SUGCT: variants seen among roughly 807,000 people sequenced by gnomAD.
SUGCT encodes the protein succinyl-CoA:glutarate-CoA transferase.
Under a neutral mutation model 55.0 loss-of-function variants are expected in SUGCT, and 41 were observed. The observed-to-expected ratio is 0.74, with a 90% CI of 0.58 to 0.97. The LOEUF is 0.97. Ranked by LOEUF, SUGCT falls within the 50% of genes least tolerant of loss-of-function variation. The pLI is 0.00. For synonymous variants in SUGCT, 187 were observed against 200.4 expected, an observed-to-expected ratio of 0.93 and a Z score of 0.56; for missense variants, 568 against 547.8, an observed-to-expected ratio of 1.04 and a Z score of -0.37.
At chr7:40,952,539 T>C in the SUGCT span, among the ~76,000 whole-genome samples, 1 of 152,226 alleles carries the variant, frequency 6.6e-6, no homozygotes, top group East Asian at 1.9e-4. Flanking sequence ...ATTCAGTTTC[T>C]TCCTAGCATC....
intron 13 of SUGCT, chr7:40,785,160 G>A (rs1255409313): frequency 6.6e-6 from 1 of 152,116 alleles, no homozygotes; most frequent in Non-Finnish European, 1.5e-5. Context: ...ACACAAAATT[G>A]ATATCAACCA....
chr7:40,808,488 C>T (rs1164744968), intron 13 of SUGCT: 1 of 152,334 alleles, frequency 6.6e-6, no homozygotes, highest in African/African-American at 2.4e-5. Context: ...TCCCTGGGGA[C>T]ATTGCCTCCA....
the SUGCT span, among the ~76,000 whole-genome samples, chr7:40,880,258 G>T: frequency 6.6e-6 from 1 of 152,218 alleles, no homozygotes; most frequent in African/African-American, 2.4e-5. Context: ...CCAGAGGAAA[G>T]ATTTTTGGGT....
chr7:40,145,259 A>G (rs1788184334), intron 1 of SUGCT, among the ~76,000 whole-genome samples: 1 of 152,186 alleles, frequency 6.6e-6, no homozygotes, highest in Non-Finnish European at 1.5e-5. Flanking sequence ...CTTTCCTTAC[A>G]CACCTTGCAC....
chr7:40,327,825 A>G (rs184428022), intron 9 of SUGCT, among the ~76,000 whole-genome samples: 1 of 152,360 alleles, frequency 6.6e-6, no homozygotes, highest in Non-Finnish European at 1.5e-5. Context: ...TAATTATCAG[A>G]TGTAACATTT....
chr7:40,161,121 C>G (rs1784124534), intron 1 of SUGCT, among the ~76,000 whole-genome samples: 1 of 152,108 alleles, frequency 6.6e-6, no homozygotes, highest in Non-Finnish European at 1.5e-5. Flanking sequence ...TAATTTTTAC[C>G]TTTACTACCT....
chr7:40,240,327 T>C (rs1789297035), intron 7 of SUGCT, among the ~76,000 whole-genome samples: 1 of 151,962 alleles, frequency 6.6e-6, no homozygotes, highest in Non-Finnish European at 1.5e-5. Flanking sequence ...GTACTAAAAA[T>C]ACAAAATTAG....
At chr7:40,298,164 A>G (rs1794288796) in intron 8 of SUGCT, among the ~76,000 whole-genome samples, 1 of 151,938 alleles carries the variant, frequency 6.6e-6, no homozygotes. Flanking sequence ...AGAATTCCAA[A>G]TACTTGTTAT....
At chr7:40,846,958 T>G (rs1793586116) in intron 13 of SUGCT, among the ~76,000 whole-genome samples, 1 of 152,202 alleles carries the variant, frequency 6.6e-6, no homozygotes, top group East Asian at 1.9e-4. Context: ...ATAGAAAGCA[T>G]TATGCCAAGT....
At chr7:40,324,188 T>A (rs1220861571) in intron 9 of SUGCT, among the ~76,000 whole-genome samples, 1 of 150,128 alleles carries the variant, frequency 6.7e-6, no homozygotes, top group African/African-American at 2.5e-5. Context: ...TTATGTCCTC[T>A]ATCACCTGTA....
At chr7:40,639,437 G>A (rs1232608200) in intron 12 of SUGCT, among the ~76,000 whole-genome samples, 1 of 151,948 alleles carries the variant, frequency 6.6e-6, no homozygotes, top group Non-Finnish European at 1.5e-5. Flanking sequence ...TATCTAACTT[G>A]AGACGGTCAC....
intron 12 of SUGCT, among the ~76,000 whole-genome samples, chr7:40,629,601 C>A (rs1799690811): frequency 6.6e-6 from 1 of 151,964 alleles, no homozygotes. Context: ...TACTCGAGGT[C>A]ATGTCATCTG....
chr7:40,160,970 G>A (rs930002229), intron 1 of SUGCT, among the ~76,000 whole-genome samples: 8 of 151,784 alleles, frequency 5.3e-5, no homozygotes, highest in South Asian at 2.1e-4. Flanking sequence ...TTTGGTGGAC[G>A]GTTTGATAAT....
chr7:40,986,687 C>T, the SUGCT span, among the ~76,000 whole-genome samples: 6 of 152,172 alleles, frequency 3.9e-5, no homozygotes, highest in South Asian at 2.1e-4. Context: ...AAGGAGTAAT[C>T]GCTGAGATGG....
chr7:40,943,827 T>C, the SUGCT span, among the ~76,000 whole-genome samples: 3 of 151,978 alleles, frequency 2.0e-5, no homozygotes, highest in African/African-American at 7.2e-5. Flanking sequence ...ATGGTATTTC[T>C]AGTTCTAGAT....
intron 12 of SUGCT, among the ~76,000 whole-genome samples, chr7:40,697,527 A>G (rs1784986810): frequency 6.6e-6 from 1 of 152,112 alleles, no homozygotes; most frequent in Non-Finnish European, 1.5e-5. Flanking sequence ...AATTCCAGCT[A>G]CTCAGGAGGC....
At position 40,402,954 on chromosome 7, in the gene SUGCT, G is replaced by A. The variant is rs139275693; in HGVS notation, c.817-46333G>A. On this transcript the variant is annotated intron_variant, in intron 9 of 13. Transcript: ENST00000335693. Reference sequence around the variant, plus strand: ...CAAGAGACTTTTTACTGGAAACCTCGTGTTGCACTTCACTTAATTTCCAAT... The same window carrying A: ...CAAGAGACTTTTTACTGGAAACCTCATGTTGCACTTCACTTAATTTCCAAT... Among the ~76,000 whole-genome samples, 752 of 152,266 alleles carry A rather than the reference G, an allele frequency of 4.9e-3. 4 individuals carry two copies. Among genetic ancestry groups the A allele is most frequent in the Non-Finnish European group, 7.8e-3 (532 of 68,022 alleles).
intron 1 of SUGCT, among the ~76,000 whole-genome samples, chr7:40,178,087 T>G (rs990181897): frequency 6.6e-6 from 1 of 152,234 alleles, no homozygotes; most frequent in African/African-American, 2.4e-5. Context: ...AATCAGGCTC[T>G]AAGTGAGGCT....
At chr7:40,488,513 C>G (rs923842353) in intron 11 of SUGCT, among the ~76,000 whole-genome samples, 1 of 152,084 alleles carries the variant, frequency 6.6e-6, no homozygotes, top group Non-Finnish European at 1.5e-5. Flanking sequence ...AATTTACACA[C>G]CATCATTACC....
Sources: allele counts gnomAD v4.1 joint callset (sites outside exome capture counted in the v4.1 genomes callset), GRCh38; gene constraint gnomAD v4.1.1; transcripts MANE v1.5; gene names NCBI Gene and HGNC (gene_info 2026-07-23, HGNC 2026-07-21).